Variants in BTBD1 observed in about 807,000 individuals in gnomAD.
BTBD1 encodes the protein BTB domain containing 1.
In BTBD1, 34 loss-of-function variants were observed where a neutral mutation model predicts 48.0. The ratio of observed to expected loss-of-function variants is 0.71; its 90% confidence interval spans 0.54 to 0.94. The LOEUF is 0.94. BTBD1 is among the 40% of genes least tolerant of loss of function. The pLI is 0.00. For missense variants in BTBD1, 543 were observed against 625.6 expected (o/e 0.87, Z 1.41); for synonymous variants, 261 against 242.1 (o/e 1.08, Z -0.72).
intron 4 of BTBD1, among the ~76,000 whole-genome samples, chr15:83,037,018 T>A (rs972513466): frequency 2.0e-5 from 3 of 152,176 alleles, no homozygotes; most frequent in African/African-American, 7.2e-5. Flanking sequence ...ATATGGATGT[T>A]AAACTTTAAT....
At chr15:83,020,436 G>C (rs1168027502) in intron 6 of BTBD1, 1 of 393,776 alleles carries the variant, frequency 2.5e-6, no homozygotes, top group Non-Finnish European at 4.5e-6. Context: ...TAATAGAAGG[G>C]ATTCCTGGAC....
chr15:83,049,262 C>G (rs1336062207), intron 3 of BTBD1, among the ~76,000 whole-genome samples: 2 of 152,148 alleles, frequency 1.3e-5, no homozygotes, highest in African/African-American at 2.4e-5. Flanking sequence ...ACCAAAGAAC[C>G]TAAATGCACA....
intron 3 of BTBD1, among the ~76,000 whole-genome samples, chr15:83,045,361 G>A (rs1306762024): frequency 2.6e-5 from 4 of 152,126 alleles, no homozygotes; most frequent in Non-Finnish European, 5.9e-5. Context: ...AGGGCGTGGT[G>A]GCAGGTGCCT....
intron 1 of BTBD1, among the ~76,000 whole-genome samples, chr15:83,057,656 C>T (rs923232241): frequency 2.0e-5 from 3 of 152,212 alleles, no homozygotes; most frequent in Non-Finnish European, 4.4e-5. Context: ...GTTTTATGAA[C>T]GCAAAAACTT....
intron 1 of BTBD1, among the ~76,000 whole-genome samples, chr15:83,062,837 T>C (rs1241535407): frequency 6.6e-6 from 1 of 152,124 alleles, no homozygotes; most frequent in East Asian, 1.9e-4. Context: ...CTTCCAGCCA[T>C]CACGTCATTC....
At position 83,016,842 on chromosome 15, in the gene BTBD1, G is replaced by T. The variant is rs1287891638; in HGVS notation, c.*1225C>A. 1 of 151,878 alleles carries T rather than the reference G, an allele frequency of 6.6e-6. No homozygotes were observed. The highest frequency in any genetic ancestry group is 1.5e-5 in the Non-Finnish European group (1 of 67,948). The allele number at this position is 151,878 out of a possible 1,614,324, so 9.4% of individuals were successfully genotyped here. ...ATATTACTTTAGATGAAAATTTTTT[G>T]TATCTTACTTAGAAAAAATTAAGTT... On this transcript the variant is annotated 3_prime_UTR_variant, in exon 8 of 8. Transcript: ENST00000261721.
intron 2 of BTBD1, 103 bp from the exon 3 acceptor site, chr15:83,050,281 G>A: frequency 1.7e-6 from 1 of 596,548 alleles, no homozygotes; most frequent in Non-Finnish European, 2.8e-6. Context: ...TGCTAATTAT[G>A]TAAAAATATC....
At chr15:83,043,522 T>A (rs55868287) in intron 3 of BTBD1, among the ~76,000 whole-genome samples, 334 of 152,300 alleles carry the variant, frequency 2.2e-3, no homozygotes, top group Admixed American at 4.8e-3. Flanking sequence ...GAGAAGAGGC[T>A]ATAGTGAAGA....
intron 4 of BTBD1, among the ~76,000 whole-genome samples, chr15:83,030,997 T>C (rs1372294201): frequency 6.6e-6 from 1 of 152,144 alleles, no homozygotes; most frequent in African/African-American, 2.4e-5. Flanking sequence ...TACGTGTGCA[T>C]GTGTCTTTAT....
rs17158127 is a variant in BTBD1, at chr15:83,018,007, T to C, written c.*60A>G. On this transcript the variant is annotated 3_prime_UTR_variant, in exon 8 of 8. Coordinates refer to ENST00000261721, the MANE Select transcript of BTBD1 (RefSeq NM_025238.4). ...ACTCAAACTACTTTTTTGTGGCCAT[T>C]TATGTTTTTGACACTAGATTGTATG... 0.12 allele frequency: 140,169 copies of C among 1,176,506 alleles called. 9,000 individuals are homozygous for C. The highest frequency in any genetic ancestry group is 0.2 in the Middle Eastern group (886 of 4,442). The allele number at this position is 1,176,506 out of a possible 1,614,324, so 72.9% of individuals were successfully genotyped here.
At chr15:83,046,234 A>G (rs1000270717) in intron 3 of BTBD1, among the ~76,000 whole-genome samples, 4 of 151,754 alleles carry the variant, frequency 2.6e-5, no homozygotes, top group African/African-American at 9.7e-5. Context: ...CGTCTCTACC[A>G]AAAAAAACAA....
chr15:83,046,102 A>T (rs1474399035), intron 3 of BTBD1, among the ~76,000 whole-genome samples: 1 of 152,082 alleles, frequency 6.6e-6, no homozygotes, highest in Non-Finnish European at 1.5e-5. Context: ...CTCTTGAATT[A>T]CCAATTTTTG....
intron 3 of BTBD1, among the ~76,000 whole-genome samples, chr15:83,045,204 T>C (rs1250541252): frequency 6.6e-6 from 1 of 152,128 alleles, no homozygotes; most frequent in Non-Finnish European, 1.5e-5. Context: ...TAAATACTAT[T>C]CTACAATATG....
chr15:83,037,477 T>TA (rs2032652934), intron 4 of BTBD1, among the ~76,000 whole-genome samples: 1 of 152,134 alleles, frequency 6.6e-6, no homozygotes, highest in African/African-American at 2.4e-5. Context: ...AAGCATTCAA[T>TA]AAAATCCAGC....
chr15:83,053,529 T>G (rs1284787875), intron 2 of BTBD1, among the ~76,000 whole-genome samples: 2 of 152,210 alleles, frequency 1.3e-5, no homozygotes, highest in Non-Finnish European at 2.9e-5. Context: ...TGAACCAGTA[T>G]CTGCATTTTA....
chr15:83,049,089 T>C (rs573950525), intron 3 of BTBD1, among the ~76,000 whole-genome samples: 1 of 152,328 alleles, frequency 6.6e-6, no homozygotes, highest in African/African-American at 2.4e-5. Flanking sequence ...AATTTTTACT[T>C]GATAAATCAT....
At chr15:83,063,611 G>A (rs1187628448) in intron 1 of BTBD1, among the ~76,000 whole-genome samples, 1 of 152,016 alleles carries the variant, frequency 6.6e-6, no homozygotes, top group African/African-American at 2.4e-5. Flanking sequence ...ACAACCTCCT[G>A]CCACCACCTC....
intron 4 of BTBD1, among the ~76,000 whole-genome samples, chr15:83,036,693 A>G (rs2032637032): frequency 6.6e-6 from 1 of 152,218 alleles, no homozygotes; most frequent in South Asian, 2.1e-4. Context: ...TGGATAAATC[A>G]TGGCACAGTT....
At chr15:83,025,903 G>A (rs1035735953) in intron 5 of BTBD1, among the ~76,000 whole-genome samples, 1 of 152,066 alleles carries the variant, frequency 6.6e-6, no homozygotes, top group African/African-American at 2.4e-5. Context: ...CCGAGTAGCT[G>A]GGACTACAGG....
Sources: allele counts gnomAD v4.1 joint callset (sites outside exome capture counted in the v4.1 genomes callset), GRCh38; gene constraint gnomAD v4.1.1; transcripts MANE v1.5; gene names NCBI Gene and HGNC (gene_info 2026-07-23, HGNC 2026-07-21).